Variants in SERPINF2 observed in about 807,000 individuals in gnomAD.
SERPINF2 encodes the protein alpha-2-antiplasmin.
Under a neutral mutation model 45.0 loss-of-function variants are expected in SERPINF2, and 15 were observed. That is an observed-to-expected ratio of 0.33 (90% confidence interval 0.22 to 0.51). SERPINF2 has a LOEUF of 0.51. Ranked by LOEUF, SERPINF2 falls within the 20% of genes least tolerant of loss-of-function variation. The pLI, the probability that SERPINF2 is intolerant of heterozygous loss-of-function variation, is 0.97. For missense variants in SERPINF2, 518 were observed against 637.4 expected, an observed-to-expected ratio of 0.81 and a Z score of 2.02; for synonymous variants, 283 against 277.9, an observed-to-expected ratio of 1.02 and a Z score of -0.18.
chr17:1,753,553 G>T (rs1906572726), intron 9 of SERPINF2, among the ~76,000 whole-genome samples: 1 of 152,204 alleles, frequency 6.6e-6, no homozygotes, highest in African/African-American at 2.4e-5. Context: ...GGGCGTGGTG[G>T]CGCATGCCCA....
Position 1,754,695 on chromosome 17 carries a change from G to GGGGGGGGT in SERPINF2, c.*161_*162insGGGGGGGT. ...TTGGGGAGTTTAGGGTGGGGGGGGG[G>GGGGGGGGT]CGCGGCTGGGAGGAGGGCAGGCATC... On this transcript the variant is annotated 3_prime_UTR_variant, in exon 10 of 10. Transcript: ENST00000453066. The GGGGGGGGT allele has an allele frequency of 3.2e-6, 1 of 316,614 alleles. No individual in the cohort carries two copies. The highest frequency in any genetic ancestry group is 5.7e-6 in the Non-Finnish European group (1 of 175,556). 19.6% of individuals were successfully genotyped at this position (316,614 alleles called of 1,614,324 possible).
chr17:1,751,112 C>T (rs1906353962), intron 8 of SERPINF2, among the ~76,000 whole-genome samples: 1 of 152,168 alleles, frequency 6.6e-6, no homozygotes, highest in South Asian at 2.1e-4. Context: ...GGCCCTCGAG[C>T]CCTGTGGTGT....
chr17:1,747,517 G>GCTC lies in SERPINF2; in HGVS notation c.715+15_715+17dup, dbSNP rs768601607. On this transcript the variant is annotated splice_donor_region_variant and intron_variant, in intron 7 of 9. Coordinates refer to ENST00000453066, the MANE Select transcript of SERPINF2 (RefSeq NM_000934.4). Reference sequence around the variant, plus strand: ...TCAACGCCATCCACTTCCAGGGTGCGCTCCTCCTCCTCTCAGATCCCCCAC... The same window carrying GCTC: ...TCAACGCCATCCACTTCCAGGGTGCGCTCCTCCTCCTCCTCTCAGATCCCCCAC... The GCTC allele has an allele frequency of 2.5e-6, 4 of 1,613,364 alleles. No individual in the cohort carries two copies. Among genetic ancestry groups the GCTC allele is most frequent in the South Asian group, 1.1e-5 (1 of 90,970 alleles).
At chr17:1,747,197 G>T (rs766460954) in intron 6 of SERPINF2, 35 bp downstream of exon 6, 2 of 1,611,342 alleles carry the variant, frequency 1.2e-6, no homozygotes, top group South Asian at 2.2e-5. Flanking sequence ...CCTCAGTCCT[G>T]CCCTGGGTGG....
chr17:1,752,675 C>G lies in SERPINF2; in HGVS notation c.948C>G (p.Asn316Lys), dbSNP rs1233230117. 6.2e-7 allele frequency: 1 copy of G among 1,614,172 alleles called. No individual in the cohort carries two copies. Among genetic ancestry groups the G allele is most frequent in the Non-Finnish European group, 8.5e-7 (1 of 1,180,028 alleles). Residue 316 changes from asparagine (N) to lysine (K), a missense_variant, in exon 9 of 10, where the codon AAC becomes AAG. Physicochemically the swap from Asn to Lys is moderately conservative, Grantham distance 94. This residue lies in a region of SERPINF2 where 435 missense variants were observed against 577.3 expected (regional missense o/e 0.75). Coordinates refer to ENST00000453066, the MANE Select transcript of SERPINF2 (RefSeq NM_000934.4). ...GGAACGTGTCCCAGGTACTGGCCAACCTGAGTTGGGACACCCTGCACCCAC... is the reference window on the plus strand; with the variant it reads ...GGAACGTGTCCCAGGTACTGGCCAAGCTGAGTTGGGACACCCTGCACCCAC... ...FEWNVSQVLA[N>K]LSWDTLHPPL...
rs992991884 is a variant in SERPINF2, at chr17:1,745,672, C to T, written c.166-36C>T. ...CTTCAACACAGAACCTGGAGCTGAC[C>T]CCTTGACCTCCCTGACCCCTGATCT... On this transcript the variant is annotated intron_variant, in intron 4 of 9. Coordinates refer to ENST00000453066, the MANE Select transcript of SERPINF2 (RefSeq NM_000934.4). This position sits in a 1 kb window ranked among gnomAD's most constrained non-coding sequence, Gnocchi z 6.2. 1 of 1,598,596 alleles carries T rather than the reference C, an allele frequency of 6.3e-7. No individual in the cohort carries two copies. Among genetic ancestry groups the T allele is most frequent in the African/African-American group, 1.3e-5 (1 of 74,754 alleles).
chr17:1,744,928 G>A, intron 1 of SERPINF2, 64 bp from the exon 2 acceptor site: 1 of 1,611,312 alleles, frequency 6.2e-7, no homozygotes, highest in Non-Finnish European at 8.5e-7. Context: ...TGATCGCGTG[G>A]GTAGGATTCC....
rs1048210813 is a variant in SERPINF2 at position 1,754,720 on chromosome 17, C to T, written c.*186C>T. 43 of 666,070 alleles carry T rather than the reference C, an allele frequency of 6.5e-5. No homozygotes were observed. Among genetic ancestry groups the T allele is most frequent in the South Asian group, 3.6e-4 (18 of 49,338 alleles). The allele number at this position is 666,070 out of a possible 1,614,324, so 41.3% of individuals were successfully genotyped here. A position where few individuals can be genotyped will look rare whatever the true frequency, so the allele number is the denominator to read the frequency against. ...GCGCGGCTGGGAGGAGGGCAGGCAT[C>T]GGGGAGCCGGGAGCCTGACCCTCAT... On this transcript the variant is annotated 3_prime_UTR_variant, in exon 10 of 10. Coordinates refer to ENST00000453066, the MANE Select transcript of SERPINF2 (RefSeq NM_000934.4).
chr17:1,754,246 C>T lies in SERPINF2; in HGVS notation c.1188C>T (p.Ala396=). 2 of 1,614,110 alleles carry T rather than the reference C, an allele frequency of 1.2e-6. No homozygotes were observed. The highest frequency in any genetic ancestry group is 8.5e-7 in the Non-Finnish European group (1 of 1,180,042). ...LSEVGVEAAA[A]TSIAMSRMSL... ...AGGTCGGCGTGGAGGCGGCGGCGGC[C>T]ACCAGCATTGCCATGTCCCGCATGT... The change falls in exon 10 of 10, where the codon GCC becomes GCT. Residue 396 remains alanine, a synonymous_variant. Coordinates refer to ENST00000453066, the MANE Select transcript of SERPINF2 (RefSeq NM_000934.4).
intron 1 of SERPINF2, 143 bp downstream of exon 1, chr17:1,743,051 C>T: frequency 1.0e-6 from 1 of 985,272 alleles, no homozygotes. Context: ...GGAGCCTGTT[C>T]TTGGCAAGAA....
intron 7 of SERPINF2, 91 bp from the exon 8 acceptor site, chr17:1,748,507 G>A (rs559696374): frequency 6.5e-7 from 1 of 1,550,138 alleles, no homozygotes; most frequent in African/African-American, 1.3e-5. Flanking sequence ...TGGGGGTGCA[G>A]AGCCCAAGCT....
rs531663584 is a variant in SERPINF2, at chr17:1,751,550, T to G, written c.859-1036T>G. Among the ~76,000 whole-genome samples, 8 of 136,388 alleles carry G rather than the reference T, an allele frequency of 5.9e-5. 3 individuals carry two copies. In the South Asian group the frequency reaches 1.9e-3, roughly 33 times the overall value. 89.5% of individuals were successfully genotyped at this position (136,388 alleles called of 152,430 possible). ...CAGGTGGATCACGAGGTCAGGAGATTGAGACCATCCTGGCTAACACGGTGA... is the reference window on the plus strand; with the variant it reads ...CAGGTGGATCACGAGGTCAGGAGATGGAGACCATCCTGGCTAACACGGTGA... On this transcript the variant is annotated intron_variant, in intron 8 of 9. Coordinates refer to ENST00000453066, the MANE Select transcript of SERPINF2 (RefSeq NM_000934.4).
At chr17:1,743,211 C>A in intron 1 of SERPINF2, 1 of 608,532 alleles carries the variant, frequency 1.6e-6, no homozygotes, top group Non-Finnish European at 2.1e-6. Context: ...CTGACTTATC[C>A]TCCTGAGACC....
At chr17:1,751,340 T>G (rs911548553) in intron 8 of SERPINF2, among the ~76,000 whole-genome samples, 3 of 151,234 alleles carry the variant, frequency 2.0e-5, no homozygotes, top group African/African-American at 2.4e-5. Flanking sequence ...TCCCAGCTAC[T>G]CGGGAGGCTG....
In SERPINF2 at chr17:1,744,442, G is replaced by A. The variant is rs146837247; in HGVS notation, c.-4-550G>A. 23 of 589,340 alleles carry A rather than the reference G, an allele frequency of 3.9e-5. No homozygotes were observed. In the East Asian group the frequency reaches 7.2e-4, roughly 18 times the overall value. 36.5% of individuals were successfully genotyped at this position (589,340 alleles called of 1,614,324 possible). On this transcript the variant is annotated intron_variant, in intron 1 of 9. Transcript: ENST00000453066. Reference sequence around the variant, plus strand: ...TGGGAGGTGGAGGTTGCGGTGAGCCGAGATCCTGCCACTGCACTCCAGCCT... The same window carrying A: ...TGGGAGGTGGAGGTTGCGGTGAGCCAAGATCCTGCCACTGCACTCCAGCCT...
intron 8 of SERPINF2, among the ~76,000 whole-genome samples, chr17:1,749,171 T>C (rs1035513805): frequency 5.9e-5 from 9 of 152,136 alleles, no homozygotes; most frequent in Admixed American, 5.9e-4. Flanking sequence ...CTCACGCCTG[T>C]AATCCCAGCA....
intron 1 of SERPINF2, 100 bp from the exon 2 acceptor site, chr17:1,744,892 C>T: frequency 6.3e-7 from 1 of 1,594,508 alleles, no homozygotes; most frequent in East Asian, 2.3e-5. Flanking sequence ...CCTTGGCAAT[C>T]ATGACCCAGG....
intron 1 of SERPINF2, chr17:1,744,601 G>A (rs898897234): frequency 2.0e-6 from 2 of 985,326 alleles, no homozygotes; most frequent in Admixed American, 6.1e-5. Context: ...GTAAGGCCAA[G>A]CCTGGTGGAG....
chr17:1,742,959 G>A, intron 1 of SERPINF2, 51 bp downstream of exon 1: 2 of 985,460 alleles, frequency 2.0e-6, no homozygotes, highest in South Asian at 9.4e-5. Flanking sequence ...AGAGGAGGAG[G>A]GAGCTGCCTC....
Sources: gnomAD v4.1 joint callset for allele counts (sites outside exome capture counted in the v4.1 genomes callset) on GRCh38, gnomAD v4.1.1 for gene constraint, gnomAD v4.1.1 regional missense constraint, Gnocchi (gnomAD v3.1) non-coding constraint, MANE v1.5 for transcripts, NCBI Gene and HGNC (gene_info 2026-07-23, HGNC 2026-07-21) for gene names.